GRAMD1B: variants seen among roughly 807,000 people sequenced by gnomAD.
The protein encoded by GRAMD1B is GRAM domain containing 1B, also known as protein Aster-B.
A neutral mutation model predicts 99.7 loss-of-function variants in GRAMD1B; 37 were observed. The observed-to-expected ratio is 0.37, with a 90% confidence interval of 0.29 to 0.49. The LOEUF (loss-of-function observed/expected upper bound fraction) is 0.49, where lower values mean the gene tolerates loss of function less well. GRAMD1B is among the 20% of genes least tolerant of loss of function. The probability of loss-of-function intolerance (pLI) is 0.98; values close to 1 mark genes in which losing one functional copy is unlikely to be tolerated. For synonymous variants in GRAMD1B, 427 were observed against 387.6 expected, an observed-to-expected ratio of 1.10 and a Z score of -1.19; for missense variants, 888 against 1,009.2, an observed-to-expected ratio of 0.88 and a Z score of 1.63.
intron 4 of GRAMD1B, among the ~76,000 whole-genome samples, chr11:123,589,037 GCTGA>G (rs1565422783): frequency 6.6e-6 from 1 of 151,838 alleles, no homozygotes; most frequent in African/African-American, 2.4e-5. Flanking sequence ...AAAGAAAAGT[GCTGA>G]CTGTGTTCCA....
At chr11:123,360,073 A>G (rs1291070872) in intron 1 of GRAMD1B, among the ~76,000 whole-genome samples, 5 of 152,212 alleles carry the variant, frequency 3.3e-5, no homozygotes, top group South Asian at 2.1e-4. Flanking sequence ...AGGTCCCACT[A>G]TACTCCTAAG....
chr11:123,434,824 G>A (rs1487580900), intron 1 of GRAMD1B, among the ~76,000 whole-genome samples: 4 of 152,204 alleles, frequency 2.6e-5, no homozygotes, highest in Non-Finnish European at 4.4e-5. Flanking sequence ...AGGCAATGGA[G>A]TGCAGGGAAC....
intron 1 of GRAMD1B, chr11:123,460,285 A>T (rs1365122044): frequency 6.6e-6 from 1 of 152,206 alleles, no homozygotes; most frequent in African/African-American, 2.4e-5. Context: ...GGAAAATGGC[A>T]TTGTGGAAAC....
chr11:123,592,974 G>A (rs1162100426), intron 4 of GRAMD1B, among the ~76,000 whole-genome samples: 1 of 152,124 alleles, frequency 6.6e-6, no homozygotes, highest in East Asian at 1.9e-4. Flanking sequence ...GCTCACTCCT[G>A]TAATCCCAGC....
chr11:123,519,612 A>T (rs567354044), intron 2 of GRAMD1B, among the ~76,000 whole-genome samples: 1 of 152,148 alleles, frequency 6.6e-6, no homozygotes, highest in Admixed American at 6.5e-5. Context: ...TCTGCCCCAG[A>T]TTTCCCAGCA....
intron 2 of GRAMD1B, among the ~76,000 whole-genome samples, chr11:123,528,233 T>C (rs7110875): frequency 6.6e-6 from 1 of 152,020 alleles, no homozygotes; most frequent in Non-Finnish European, 1.5e-5. Context: ...CTCCCTACTC[T>C]TCCAACAAGG....
intron 2 of GRAMD1B, among the ~76,000 whole-genome samples, chr11:123,507,587 G>GTTAATTTAAATT (rs1940565306): frequency 6.6e-6 from 1 of 152,126 alleles, no homozygotes; most frequent in African/African-American, 2.4e-5. Flanking sequence ...ATTTGAATCA[G>GTTAATTTAAATT]AGTAGTTAAA....
chr11:123,481,640 T>A (rs375790620), intron 2 of GRAMD1B, among the ~76,000 whole-genome samples: 1 of 152,256 alleles, frequency 6.6e-6, no homozygotes, highest in East Asian at 1.9e-4. Context: ...TGAGGTGGGA[T>A]GTCTAGGATG....
intron 2 of GRAMD1B, among the ~76,000 whole-genome samples, chr11:123,520,460 G>A (rs1210263630): frequency 6.6e-6 from 1 of 152,004 alleles, no homozygotes; most frequent in East Asian, 1.9e-4. Flanking sequence ...TGTTTGCATT[G>A]AATAGTTAGC....
chr11:123,556,187 G>A (rs975239449), intron 2 of GRAMD1B, among the ~76,000 whole-genome samples: 2 of 152,180 alleles, frequency 1.3e-5, no homozygotes, highest in African/African-American at 2.4e-5. Flanking sequence ...AAAAGCACTC[G>A]TGATTTGGAT....
At chr11:123,402,563 G>C (rs547042417) in intron 1 of GRAMD1B, among the ~76,000 whole-genome samples, 2 of 152,166 alleles carry the variant, frequency 1.3e-5, no homozygotes, top group African/African-American at 4.8e-5. Flanking sequence ...AATGGGATTC[G>C]ACTGGTTAGC....
In GRAMD1B at chr11:123,600,562, A is replaced by G. The variant is rs1159875164; in HGVS notation, c.1050+14A>G. On this transcript the variant is annotated intron_variant, in intron 8 of 19. Coordinates refer to ENST00000635736, the MANE Select transcript of GRAMD1B (RefSeq NM_001387025.1). ...CTCCTTGAAAAGGTAAGTACGGCCG[A>G]GTTTGCTTTTACTGTGGGACTGGCT... 6.3e-7 allele frequency: 1 copy of G among 1,583,662 alleles called. No homozygotes were observed. Among genetic ancestry groups the G allele is most frequent in the South Asian group, 1.1e-5 (1 of 89,846 alleles).
At chr11:123,416,468 C>T (rs915385759) in intron 1 of GRAMD1B, among the ~76,000 whole-genome samples, 1 of 152,170 alleles carries the variant, frequency 6.6e-6, no homozygotes, top group Non-Finnish European at 1.5e-5. Context: ...CCAATTGTTA[C>T]CATTTTCTAC....
intron 1 of GRAMD1B, among the ~76,000 whole-genome samples, chr11:123,389,756 G>T (rs930236798): frequency 1.3e-5 from 2 of 151,980 alleles, no homozygotes; most frequent in African/African-American, 4.8e-5. Flanking sequence ...TTTTCTAGGT[G>T]GGGTGGGAAG....
At chr11:123,401,284 G>A (rs1947651207) in intron 1 of GRAMD1B, among the ~76,000 whole-genome samples, 1 of 152,222 alleles carries the variant, frequency 6.6e-6, no homozygotes, top group Non-Finnish European at 1.5e-5. Context: ...AAAGTAAGAA[G>A]AGCGGAGGGT....
intron 2 of GRAMD1B, among the ~76,000 whole-genome samples, chr11:123,556,595 C>T (rs182074963): frequency 6.6e-6 from 1 of 152,254 alleles, no homozygotes; most frequent in Non-Finnish European, 1.5e-5. Flanking sequence ...AACCTCTTTT[C>T]CTTTAAAAAG....
At chr11:123,600,936 C>G (rs1001993340) in intron 8 of GRAMD1B, among the ~76,000 whole-genome samples, 3 of 152,058 alleles carry the variant, frequency 2.0e-5, no homozygotes, top group African/African-American at 7.2e-5. Context: ...GTGGGCAGAG[C>G]CTTTATTGTA....
At position 123,591,196 on chromosome 11, in the gene GRAMD1B, G is replaced by A. The variant is rs1175612258; in HGVS notation, c.685-2886G>A. 2.6e-6 allele frequency: 1 copy of A among 382,414 alleles called. No homozygotes were observed. Among genetic ancestry groups the A allele is most frequent in the East Asian group, 3.7e-5 (1 of 26,850 alleles). The allele number at this position is 382,414 out of a possible 1,614,324, so 23.7% of individuals were successfully genotyped here. A position where few individuals can be genotyped will look rare whatever the true frequency, so the allele number is the denominator to read the frequency against. On this transcript the variant is annotated intron_variant, in intron 4 of 19. Coordinates refer to ENST00000635736, the MANE Select transcript of GRAMD1B (RefSeq NM_001387025.1). This position sits in a 1 kb window ranked among gnomAD's most constrained non-coding sequence, Gnocchi z 4.7. ...CCACGCTGACCACCTCGGCTCACTT[G>A]TGAAGCTTCATGCTGGGCATGCAGC... is the stretch of plus-strand genomic sequence containing the variant.
chr11:123,416,615 C>T (rs192786629), intron 1 of GRAMD1B, among the ~76,000 whole-genome samples: 1 of 152,288 alleles, frequency 6.6e-6, no homozygotes, highest in African/African-American at 2.4e-5. Flanking sequence ...ATAAATGCAG[C>T]CTGTGTGGCA....
Sources: allele counts gnomAD v4.1 joint callset (sites outside exome capture counted in the v4.1 genomes callset), GRCh38; gene constraint gnomAD v4.1.1; non-coding constraint Gnocchi (gnomAD v3.1); transcripts MANE v1.5; gene names NCBI Gene and HGNC (gene_info 2026-07-23, HGNC 2026-07-21).